Variants in MTMR8 observed in about 807,000 individuals in gnomAD.
MTMR8 encodes myotubularin related protein 8.
In MTMR8, 65 loss-of-function variants were observed where a neutral mutation model predicts 39.3. The ratio of observed to expected loss-of-function variants is 1.65; its 90% CI spans 1.35 to 2.03. MTMR8 has a LOEUF of 2.03. MTMR8 is among the 30% of genes most tolerant of loss of function. The pLI is 0.00. For synonymous variants in MTMR8, 245 were observed against 185.2 expected, an observed-to-expected ratio of 1.32 and a Z score of -2.62; for missense variants, 777 against 538.9, an observed-to-expected ratio of 1.44 and a Z score of -4.37.
At chrX:64,383,990 T>C (rs769979976) in intron 1 of MTMR8, among the ~76,000 whole-genome samples, 2 of 111,762 alleles carry the variant, frequency 1.8e-5, no homozygotes, top group East Asian at 2.8e-4. Context: ...CTTTCTAGCC[T>C]GTAAAATCAA....
At chrX:64,376,285 A>T (rs1447471944) in intron 1 of MTMR8, among the ~76,000 whole-genome samples, 1 of 112,321 alleles carries the variant, frequency 8.9e-6, no homozygotes, top group Non-Finnish European at 1.9e-5. Flanking sequence ...AAAAGTTTGG[A>T]TGGCTCACAA....
chrX:64,284,873 C>A (rs1264074347), intron 12 of MTMR8, among the ~76,000 whole-genome samples: 1 of 112,133 alleles, frequency 8.9e-6, no homozygotes, highest in Non-Finnish European at 1.9e-5. Context: ...CAAAAACAGG[C>A]TAAATCGTAA....
chrX:64,346,125 ACCAGAAG>A (rs1347877358), intron 6 of MTMR8, among the ~76,000 whole-genome samples: 1 of 111,396 alleles, frequency 9.0e-6, no homozygotes, highest in Non-Finnish European at 1.9e-5. Flanking sequence ...GAATATAATA[ACCAGAAG>A]GCAGCCAAGA....
chrX:64,352,881 C>A (rs370156892), intron 4 of MTMR8, among the ~76,000 whole-genome samples: 1 of 111,172 alleles, frequency 9.0e-6, no homozygotes, highest in Non-Finnish European at 1.9e-5. Context: ...TTCTAAAACA[C>A]AAATATATAT....
rs769522329 is a variant in MTMR8, at chrX:64,381,260, T to C, written c.24+14080A>G. Among the ~76,000 whole-genome samples the C allele has an allele frequency of 3.6e-5, 4 of 111,500 alleles. No individual in the cohort carries two copies. The South Asian group carries it at 1.1e-3, about 31-fold the overall frequency. ...TCCACATCCTCTCCAGCACCTGTTG[T>C]TTCCTTACTTTTTAATGATCACCAT... On this transcript the variant is annotated intron_variant, in intron 1 of 13. Transcript: ENST00000374852.
At chrX:64,297,882 A>C (rs1222196271) in intron 12 of MTMR8, among the ~76,000 whole-genome samples, 1 of 105,648 alleles carries the variant, frequency 9.5e-6, no homozygotes, top group African/African-American at 3.5e-5. Flanking sequence ...GTCAAAGATC[A>C]GATAGTTGTA....
chrX:64,328,189 G>A (rs1922849066), intron 12 of MTMR8, among the ~76,000 whole-genome samples: 1 of 111,467 alleles, frequency 9.0e-6, no homozygotes, highest in Non-Finnish European at 1.9e-5. Context: ...ACTCAACACT[G>A]TACTGGAAGT....
At chrX:64,331,008 T>C (rs1192680194) in intron 11 of MTMR8, among the ~76,000 whole-genome samples, 1 of 111,542 alleles carries the variant, frequency 9.0e-6, no homozygotes, top group Non-Finnish European at 1.9e-5. Flanking sequence ...CAAATTGGGT[T>C]CAGTGTATAC....
At chrX:64,293,678 TACA>T (rs1284509291) in intron 12 of MTMR8, among the ~76,000 whole-genome samples, 3 of 111,332 alleles carry the variant, frequency 2.7e-5, no homozygotes, top group Admixed American at 1.9e-4. Flanking sequence ...AGTTTGGCTC[TACA>T]ACATTGGCTG....
intron 12 of MTMR8, among the ~76,000 whole-genome samples, chrX:64,316,168 G>C (rs1382789249): frequency 8.9e-6 from 1 of 111,878 alleles, no homozygotes; most frequent in Non-Finnish European, 1.9e-5. Context: ...AAAGTCTATT[G>C]TATTTATACA....
chrX:64,336,537 C>T (rs1923079409), intron 9 of MTMR8, among the ~76,000 whole-genome samples: 1 of 108,528 alleles, frequency 9.2e-6, no homozygotes, highest in East Asian at 2.9e-4. Context: ...GTGGCTTACA[C>T]CTGTAATCCC....
At chrX:64,395,128 C>A (rs1924787442) in intron 1 of MTMR8, among the ~76,000 whole-genome samples, 1 of 111,673 alleles carries the variant, frequency 9.0e-6, no homozygotes, top group Non-Finnish European at 1.9e-5. Flanking sequence ...TGGTGCAGAC[C>A]ACCTCTTTCC....
chrX:64,375,225 G>T (rs758765376), intron 1 of MTMR8, among the ~76,000 whole-genome samples: 2 of 109,476 alleles, frequency 1.8e-5, no homozygotes, highest in African/African-American at 6.7e-5. Context: ...GCTGGTGGGT[G>T]CCTGTAGTCC....
intron 12 of MTMR8, among the ~76,000 whole-genome samples, chrX:64,288,108 C>A (rs918524792): frequency 5.9e-5 from 6 of 100,949 alleles, no homozygotes; most frequent in Admixed American, 1.1e-4. Context: ...CAATCTACTC[C>A]TCTGACAAAC....
chrX:64,273,335 G>A (rs1602100588), intron 12 of MTMR8, among the ~76,000 whole-genome samples: 1 of 110,025 alleles, frequency 9.1e-6, no homozygotes, highest in East Asian at 2.8e-4. Context: ...CATAATTGAA[G>A]TTAAGTTGTT....
intron 1 of MTMR8, among the ~76,000 whole-genome samples, chrX:64,389,791 T>G (rs977720282): frequency 8.9e-6 from 1 of 112,076 alleles, no homozygotes; most frequent in African/African-American, 3.2e-5. Flanking sequence ...ATACCTTATC[T>G]TAATCTTCAT....
chrX:64,329,030 A>G, intron 11 of MTMR8, 130 bp from the exon 12 acceptor site: 1 of 545,952 alleles, frequency 1.8e-6, no homozygotes, highest in Non-Finnish European at 2.7e-6. Context: ...ACAGGATATG[A>G]CAGAAGAAAA....
intron 12 of MTMR8, among the ~76,000 whole-genome samples, chrX:64,280,985 T>C (rs1462222906): frequency 9.0e-6 from 1 of 110,880 alleles, no homozygotes; most frequent in East Asian, 2.9e-4. Flanking sequence ...GGAATACAGC[T>C]AACAAGGGAT....
chrX:64,307,474 C>G (rs915210580), intron 12 of MTMR8, among the ~76,000 whole-genome samples: 4 of 111,656 alleles, frequency 3.6e-5, no homozygotes, highest in Non-Finnish European at 7.5e-5. Flanking sequence ...TATCCTTCCC[C>G]CATTTAATTA....
Sources: gnomAD v4.1 joint callset for allele counts (sites outside exome capture counted in the v4.1 genomes callset) on GRCh38, gnomAD v4.1.1 for gene constraint, MANE v1.5 for transcripts, NCBI Gene and HGNC (gene_info 2026-07-23, HGNC 2026-07-21) for gene names.